The following DRC2 variants were observed in gnomAD, a reference collection of about 807,000 sequenced individuals.
DRC2 encodes the protein dynein regulatory complex subunit 2, also known as coiled-coil domain containing 65.
chr12:48,913,418 C>T, the DRC2 span, among the ~76,000 whole-genome samples: 1 of 151,878 alleles, frequency 6.6e-6, no homozygotes, highest in Non-Finnish European at 1.5e-5. Flanking sequence ...ATTTTCCCGC[C>T]TCAGCCTCCT....
chr12:48,911,061 C>T, the DRC2 span, among the ~76,000 whole-genome samples: 2 of 152,084 alleles, frequency 1.3e-5, no homozygotes, highest in South Asian at 2.1e-4. Flanking sequence ...ATTTTACAAC[C>T]GCATAGTATT....
At chr12:48,920,999 T>C in the DRC2 span, 20 of 1,613,890 alleles carry the variant, frequency 1.2e-5, no homozygotes, top group South Asian at 5.5e-5. Context: ...AGTGCTGCCT[T>C]TTTATTCATC....
chr12:48,911,461 G>T, the DRC2 span, among the ~76,000 whole-genome samples: 1 of 152,156 alleles, frequency 6.6e-6, no homozygotes, highest in African/African-American at 2.4e-5. Flanking sequence ...AGGGGGCTGA[G>T]GTGGGGGATC....
the DRC2 span, chr12:48,918,987 G>T: frequency 2.8e-6 from 3 of 1,090,074 alleles, no homozygotes; most frequent in Non-Finnish European, 4.0e-6. Flanking sequence ...AGGATAGCGG[G>T]GGCTTCTTCC....
At chr12:48,921,402 C>G in the DRC2 span, 1 of 1,613,358 alleles carries the variant, frequency 6.2e-7, no homozygotes, top group Non-Finnish European at 8.5e-7. Flanking sequence ...CTTGTCCATA[C>G]GTATAGCCCA....
At chr12:48,907,336 G>A in the DRC2 span, among the ~76,000 whole-genome samples, 1 of 152,136 alleles carries the variant, frequency 6.6e-6, no homozygotes, top group Non-Finnish European at 1.5e-5. Context: ...CAAGGTCATC[G>A]CCAAGATCTG....
At chr12:48,907,890 G>T in the DRC2 span, among the ~76,000 whole-genome samples, 26 of 152,150 alleles carry the variant, frequency 1.7e-4, no homozygotes, top group African/African-American at 4.6e-4. Flanking sequence ...TCTGAGTCTG[G>T]CCATCTCACC....
the DRC2 span, among the ~76,000 whole-genome samples, chr12:48,919,629 T>A: frequency 1.3e-5 from 2 of 152,058 alleles, no homozygotes; most frequent in Non-Finnish European, 2.9e-5. Flanking sequence ...GCAATTCTCC[T>A]GCCTCAGCCT....
chr12:48,917,004 C>A, the DRC2 span: 82,537 of 1,613,784 alleles, frequency 0.051, 2,591 homozygotes, highest in Non-Finnish European at 0.059. Context: ...GAAAGAGATT[C>A]ACTATCTGCA....
At chr12:48,907,827 C>T in the DRC2 span, among the ~76,000 whole-genome samples, 1 of 152,194 alleles carries the variant, frequency 6.6e-6, no homozygotes, top group Non-Finnish European at 1.5e-5. Context: ...TCAGTCACTC[C>T]AGTGAGTTTA....
At chr12:48,916,631 GGGGAGAGGGAGA>G in the DRC2 span, among the ~76,000 whole-genome samples, 5 of 149,014 alleles carry the variant, frequency 3.4e-5, no homozygotes, top group Admixed American at 6.8e-5. Flanking sequence ...GGGAGACCAT[GGGGAGAGGGAGA>G]GGGAGAGGGA....
chr12:48,917,959 A>C, the DRC2 span, among the ~76,000 whole-genome samples: 4 of 152,194 alleles, frequency 2.6e-5, no homozygotes, highest in Non-Finnish European at 5.9e-5. Context: ...AAAACATCCA[A>C]ATTTTCAGCT....
At chr12:48,921,041 CAGA>C in the DRC2 span, 22 of 1,613,010 alleles carry the variant, frequency 1.4e-5, 1 homozygote, top group South Asian at 1.1e-4. Context: ...GGAGGGGATT[CAGA>C]AGAATAATCT....
chr12:48,905,319 A>G, the DRC2 span, among the ~76,000 whole-genome samples: 2 of 152,210 alleles, frequency 1.3e-5, no homozygotes, highest in Non-Finnish European at 2.9e-5. Context: ...CTTGTCATCT[A>G]TTGCCCAAAA....
the DRC2 span, chr12:48,914,431 G>C: frequency 6.2e-7 from 1 of 1,613,014 alleles, no homozygotes; most frequent in Non-Finnish European, 8.5e-7. Flanking sequence ...GTCCGAAGCC[G>C]AGGAGCAGTA....
the DRC2 span, chr12:48,905,112 A>AG: frequency 1.3e-6 from 2 of 1,593,984 alleles, no homozygotes; most frequent in Middle Eastern, 1.7e-4. Context: ...AATGTCATCA[A>AG]GGTAGGCACT....
chr12:48,913,821 C>T, the DRC2 span, among the ~76,000 whole-genome samples: 53 of 150,114 alleles, frequency 3.5e-4, no homozygotes, highest in South Asian at 0.01. Flanking sequence ...AGAGACAGGG[C>T]TTCACCATGT....
the DRC2 span, among the ~76,000 whole-genome samples, chr12:48,910,752 T>G: frequency 6.6e-6 from 1 of 152,210 alleles, no homozygotes; most frequent in African/African-American, 2.4e-5. Flanking sequence ...CACTTAATAA[T>G]ATATCTTGGA....
chr12:48,913,876 T>C, the DRC2 span, among the ~76,000 whole-genome samples: 1 of 151,424 alleles, frequency 6.6e-6, no homozygotes, highest in Non-Finnish European at 1.5e-5. Flanking sequence ...TCTGCCCACC[T>C]TGGCCTCCCA....
Sources: gnomAD v4.1 joint callset for allele counts (sites outside exome capture counted in the v4.1 genomes callset) on GRCh38, gnomAD v4.1.1 for gene constraint, MANE v1.5 for transcripts, NCBI Gene and HGNC (gene_info 2026-07-23, HGNC 2026-07-21) for gene names.